The following SECISBP2 variants were observed in gnomAD, a reference collection of about 807,000 sequenced individuals.
SECISBP2 encodes SECIS binding protein 2.
In SECISBP2, 96 loss-of-function variants were observed where a neutral mutation model predicts 98.2. That is an observed-to-expected ratio of 0.98 (90% CI 0.83 to 1.16). SECISBP2 has a LOEUF of 1.16. Ranked by LOEUF, SECISBP2 falls within the 50% of genes most tolerant of loss-of-function variation. SECISBP2 has a pLI of 0.00. For synonymous variants in SECISBP2, 407 were observed against 370.2 expected (o/e 1.10, Z -1.14); for missense variants, 1,046 against 1,022.9 (o/e 1.02, Z -0.31).
intron 4 of SECISBP2, among the ~76,000 whole-genome samples, chr9:89,328,084 G>A (rs2131623648): frequency 6.6e-6 from 1 of 152,342 alleles, no homozygotes; most frequent in East Asian, 1.9e-4. Context: ...TAAGGCGTGA[G>A]CCACCTTGCC....
chr9:89,338,572 A>C lies in SECISBP2; in HGVS notation c.1204A>C (p.Arg402=). The part of the protein sequence containing the change: ...YEVLTVQEPP[R]IEDAEEFPNL... ...AGTCCTGACAGTTCAAGAGCCTCCA[A>C]GGATTGAAGTACATTTATATTTTTT... Residue 402 remains arginine (R), a synonymous_variant, in exon 8 of 17, where the codon AGG becomes CGG. Coordinates refer to ENST00000375807, the MANE Select transcript of SECISBP2 (RefSeq NM_024077.5). The C allele has an allele frequency of 1.2e-6, 2 of 1,612,124 alleles. No homozygotes were observed. The highest frequency in any genetic ancestry group is 4.5e-5 in the East Asian group (2 of 44,816).
intron 5 of SECISBP2, 92 bp from the exon 6 acceptor site, chr9:89,332,816 G>C: frequency 3.0e-6 from 3 of 1,000,498 alleles, no homozygotes; most frequent in Non-Finnish European, 4.7e-6. Context: ...AAGGATTTCT[G>C]TTGTCAAAGT....
chr9:89,319,606 C>G (rs1248467764), intron 1 of SECISBP2, 46 bp from the exon 2 acceptor site: 4 of 1,608,740 alleles, frequency 2.5e-6, no homozygotes, highest in Non-Finnish European at 3.4e-6. Flanking sequence ...TTTATATTTG[C>G]TTGATCTCTG....
In SECISBP2 at chr9:89,334,219, A is replaced by T. The variant is rs1248209558; in HGVS notation, c.881-303A>T. The stretch of plus-strand genomic sequence containing the variant: ...CTGTGTGCTTGCCACGTGGACATTT[A>T]TTGTGGATTGTTGTTTTTTAACTAA... On this transcript the variant is annotated intron_variant, in intron 6 of 16. Coordinates refer to ENST00000375807, the MANE Select transcript of SECISBP2 (RefSeq NM_024077.5). The T allele has an allele frequency of 5.0e-6, 6 of 1,205,340 alleles. No individual in the cohort carries two copies. The African/African-American group carries it at 7.8e-5, about 16-fold the overall frequency. 74.7% of individuals were successfully genotyped at this position (1,205,340 alleles called of 1,614,324 possible).
intron 3 of SECISBP2, 25 bp downstream of exon 3, chr9:89,325,701 T>C (rs759218414): frequency 5.0e-6 from 8 of 1,613,848 alleles, no homozygotes; most frequent in South Asian, 1.1e-5. Context: ...TGTTTTGTTG[T>C]GTCCTTTAGT....
intron 10 of SECISBP2, among the ~76,000 whole-genome samples, chr9:89,342,200 T>G (rs1438032618): frequency 1.3e-5 from 2 of 152,230 alleles, no homozygotes; most frequent in Non-Finnish European, 2.9e-5. Flanking sequence ...TCATTAGTCA[T>G]CAGGGAAATA....
intron 2 of SECISBP2, 109 bp downstream of exon 2, chr9:89,319,906 G>A (rs1825418038): frequency 3.4e-6 from 4 of 1,162,576 alleles, no homozygotes; most frequent in Non-Finnish European, 5.1e-6. Context: ...CAGATGATGA[G>A]AGAATGCTCT....
chr9:89,363,734 C>T, downstream of SECISBP2: 1 of 1,610,706 alleles, frequency 6.2e-7, no homozygotes, highest in Non-Finnish European at 8.5e-7. Flanking sequence ...GCATGGGAAT[C>T]ACTTACCAGG....
At chr9:89,363,616 C>A, downstream of SECISBP2, 2 of 1,593,608 alleles carry the variant, frequency 1.3e-6, no homozygotes, top group South Asian at 1.1e-5. Context: ...CAATGGAAAG[C>A]CAATAAAACC....
In SECISBP2 at chr9:89,328,229, C is replaced by T. The variant is rs893496779; in HGVS notation, c.575-431C>T. Among the ~76,000 whole-genome samples the T allele has an allele frequency of 2.0e-5, 3 of 152,188 alleles. No homozygotes were observed. The South Asian group carries it at 6.2e-4, about 31-fold the overall frequency. On this transcript the variant is annotated intron_variant, in intron 4 of 16. Coordinates refer to ENST00000375807, the MANE Select transcript of SECISBP2 (RefSeq NM_024077.5). ...ACAGTACATCATCGCATGTACTATA[C>T]TTTTATATGCCTGTTAGCTCAGTAG...
At chr9:89,362,060 AGAG>A (rs1472612769), downstream of SECISBP2, 3 of 464,014 alleles carry the variant, frequency 6.5e-6, no homozygotes, top group African/African-American at 3.9e-5. Context: ...GCCTGACCGT[AGAG>A]GAGGAACCTG....
At chr9:89,355,039 T>A in intron 14 of SECISBP2, 1 of 985,400 alleles carries the variant, frequency 1.0e-6, no homozygotes, top group Middle Eastern at 5.2e-4. Context: ...TTGCAAATGC[T>A]TTGGGTAGAT....
intron 5 of SECISBP2, among the ~76,000 whole-genome samples, chr9:89,331,932 A>G (rs75193510): frequency 0.023 from 3,517 of 152,314 alleles, 136 homozygotes; most frequent in African/African-American, 0.08. Context: ...AAGTAGAAGG[A>G]TACTAATGAA....
Position 89,354,957 on chromosome 9 carries a change from C to T in SECISBP2, c.2114-2454C>T, listed in dbSNP as rs878944157. 3 of 985,432 alleles carry T rather than the reference C, an allele frequency of 3.0e-6. No homozygotes were observed. In the South Asian group the frequency reaches 1.4e-4, roughly 46 times the overall value. The allele number at this position is 985,432 out of a possible 1,614,324, so 61.0% of individuals were successfully genotyped here. ...CCACCCCACCTCTGCCCTATCTCCC[C>T]TTTTCCCAGCCCATCTGGAACTGGT... On this transcript the variant is annotated intron_variant, in intron 14 of 16. Coordinates refer to ENST00000375807, the MANE Select transcript of SECISBP2 (RefSeq NM_024077.5).
In SECISBP2 at chr9:89,351,749, C is replaced by T. The variant is rs150118274; in HGVS notation, c.2113+897C>T. Among the ~76,000 whole-genome samples the T allele has an allele frequency of 2.6e-3, 391 of 152,276 alleles. 2 individuals carry two copies. Among genetic ancestry groups the T allele is most frequent in the African/African-American group, 9.0e-3 (372 of 41,554 alleles). ...AGCTCGTCCCTGTCCTAACTTGGTA[C>T]GGGTCCAGCATCACCGCTGACCAGA... On this transcript the variant is annotated intron_variant, in intron 14 of 16. Coordinates refer to ENST00000375807, the MANE Select transcript of SECISBP2 (RefSeq NM_024077.5).
chr9:89,326,343 G>A (rs1418810601), intron 4 of SECISBP2, among the ~76,000 whole-genome samples: 1 of 152,142 alleles, frequency 6.6e-6, no homozygotes, highest in Admixed American at 6.5e-5. Flanking sequence ...TCTGGTACAA[G>A]GGACGTTTAT....
At chr9:89,363,308 G>A (rs1051760438), downstream of SECISBP2, 21 of 1,416,482 alleles carry the variant, frequency 1.5e-5, no homozygotes, top group African/African-American at 2.9e-5. Context: ...AAACTGCTCC[G>A]GGGCTAAGAG....
intron 10 of SECISBP2, among the ~76,000 whole-genome samples, chr9:89,345,841 TG>T (rs1360764897): frequency 6.6e-6 from 1 of 152,202 alleles, no homozygotes; most frequent in Non-Finnish European, 1.5e-5. Flanking sequence ...CATAGTCACA[TG>T]TATGTTTCAA....
rs1250236730 is a variant in SECISBP2 at position 89,338,530 on chromosome 9, TC to T, written c.1163del (p.Ser388LeufsTer8). Reference sequence around the variant, plus strand: ...AAAGAATAAGAAAAAGAAAGAAAAATCTACATCAAAATATGAAGTCCTGACA... The same window carrying T: ...AAAGAATAAGAAAAAGAAAGAAAAATTACATCAAAATATGAAGTCCTGACA... ...SRKNKKKKEK[S>X]TSKYEVLTVQ... On this transcript the variant is annotated frameshift_variant, in exon 8 of 17. Coordinates refer to ENST00000375807, the MANE Select transcript of SECISBP2 (RefSeq NM_024077.5). LOFTEE classifies it high-confidence loss of function. The T allele has an allele frequency of 4.3e-6, 7 of 1,613,106 alleles. No individual in the cohort carries two copies. Among genetic ancestry groups the T allele is most frequent in the Non-Finnish European group, 8.5e-7 (1 of 1,179,716 alleles).
Sources: allele counts gnomAD v4.1 joint callset (sites outside exome capture counted in the v4.1 genomes callset), GRCh38; gene constraint gnomAD v4.1.1; transcripts MANE v1.5; gene names NCBI Gene and HGNC (gene_info 2026-07-23, HGNC 2026-07-21).